Variants in CFAP90 observed in about 807,000 individuals in gnomAD.
CFAP90 encodes cilia- and flagella-associated protein 90.
the CFAP90 span, among the ~76,000 whole-genome samples, chr5:7,849,990 C>T: frequency 1.3e-5 from 2 of 152,172 alleles, no homozygotes; most frequent in Non-Finnish European, 2.9e-5. Flanking sequence ...GAAAGAGCGC[C>T]CTGCTGTCCC....
At chr5:7,831,423 T>A in the CFAP90 span, 1 of 159,442 alleles carries the variant, frequency 6.3e-6, no homozygotes, top group Non-Finnish European at 1.4e-5. Flanking sequence ...TTCCCCTAAC[T>A]CGTGGGAAAA....
the CFAP90 span, among the ~76,000 whole-genome samples, chr5:7,832,869 G>A: frequency 2.0e-5 from 3 of 152,210 alleles, no homozygotes; most frequent in Admixed American, 6.5e-5. Context: ...ACCTGCCACA[G>A]TTTTCTCCTG....
chr5:7,839,800 T>C, the CFAP90 span, among the ~76,000 whole-genome samples: 4 of 152,190 alleles, frequency 2.6e-5, no homozygotes, highest in African/African-American at 9.7e-5. Flanking sequence ...ATTTTGCATA[T>C]TCAGAACTTT....
chr5:7,841,794 G>T, the CFAP90 span, among the ~76,000 whole-genome samples: 4 of 152,112 alleles, frequency 2.6e-5, no homozygotes, highest in East Asian at 3.9e-4. Context: ...AGGGACACAT[G>T]GGGGGTGGGC....
At chr5:7,849,860 C>G in the CFAP90 span, among the ~76,000 whole-genome samples, 1 of 152,112 alleles carries the variant, frequency 6.6e-6, no homozygotes, top group African/African-American at 2.4e-5. Context: ...GGGCGTAGTC[C>G]CGGCAGCAAG....
At chr5:7,847,850 T>C in the CFAP90 span, among the ~76,000 whole-genome samples, 241 of 152,350 alleles carry the variant, frequency 1.6e-3, 1 homozygote, top group African/African-American at 5.5e-3. Context: ...CCCTAGGCAG[T>C]AGCTGGCCCA....
the CFAP90 span, chr5:7,850,874 C>A: frequency 6.0e-6 from 8 of 1,324,652 alleles, no homozygotes; most frequent in Admixed American, 1.9e-4. Context: ...GCGGTCCTCA[C>A]CCGCGCCGGG....
chr5:7,837,966 T>C, the CFAP90 span, among the ~76,000 whole-genome samples: 3 of 152,178 alleles, frequency 2.0e-5, no homozygotes, highest in Non-Finnish European at 4.4e-5. Context: ...CACAAGCATC[T>C]CTTATTATTG....
At chr5:7,831,557 T>C in the CFAP90 span, 2 of 276,990 alleles carry the variant, frequency 7.2e-6, no homozygotes, top group Non-Finnish European at 1.4e-5. Flanking sequence ...ATTCAGGTGC[T>C]CACAATGAAT....
chr5:7,839,765 T>C, the CFAP90 span, among the ~76,000 whole-genome samples: 3 of 152,142 alleles, frequency 2.0e-5, no homozygotes, highest in Non-Finnish European at 2.9e-5. Context: ...GTGATCAGAG[T>C]CTTAGGAAGC....
the CFAP90 span, among the ~76,000 whole-genome samples, chr5:7,832,541 C>T: frequency 3.9e-5 from 6 of 152,158 alleles, no homozygotes; most frequent in South Asian, 2.1e-4. Flanking sequence ...TTGCTCTTGT[C>T]GCCCAGGCTG....
the CFAP90 span, chr5:7,831,971 T>C: frequency 3.0e-5 from 49 of 1,613,956 alleles, no homozygotes; most frequent in Non-Finnish European, 4.0e-5. Flanking sequence ...CTCAATGGGC[T>C]GATTGATGCG....
the CFAP90 span, chr5:7,835,263 T>A: frequency 1.6e-6 from 1 of 619,964 alleles, no homozygotes; most frequent in Non-Finnish European, 2.7e-6. Flanking sequence ...AAACTTTCAA[T>A]TTGTAAAAAA....
At chr5:7,839,325 T>C in the CFAP90 span, among the ~76,000 whole-genome samples, 8 of 152,166 alleles carry the variant, frequency 5.3e-5, no homozygotes, top group Non-Finnish European at 1.2e-4. Context: ...TCAGAGTGGA[T>C]GGCACGAACA....
chr5:7,833,359 A>G, the CFAP90 span, among the ~76,000 whole-genome samples: 1 of 140,520 alleles, frequency 7.1e-6, no homozygotes, highest in Non-Finnish European at 1.6e-5. Flanking sequence ...ATATACATGT[A>G]TTCACACATA....
the CFAP90 span, among the ~76,000 whole-genome samples, chr5:7,846,284 G>A: frequency 1.3e-5 from 2 of 152,152 alleles, no homozygotes; most frequent in African/African-American, 4.8e-5. Flanking sequence ...ACACACTACT[G>A]TGTGTCACAT....
At chr5:7,847,295 G>A in the CFAP90 span, among the ~76,000 whole-genome samples, 7 of 152,180 alleles carry the variant, frequency 4.6e-5, no homozygotes, top group South Asian at 2.1e-4. Context: ...TTTCTTTTGC[G>A]TGGTACTAAA....
the CFAP90 span, chr5:7,835,609 GGTGA>G: frequency 1.5e-6 from 1 of 658,300 alleles, no homozygotes; most frequent in South Asian, 1.9e-5. Flanking sequence ...AGGTGCATGT[GGTGA>G]GTATGTGGTA....
chr5:7,835,738 T>C, the CFAP90 span, among the ~76,000 whole-genome samples: 1 of 152,192 alleles, frequency 6.6e-6, no homozygotes, highest in Non-Finnish European at 1.5e-5. Context: ...GACATTTTCA[T>C]GGCACTTCTC....
Sources: allele counts gnomAD v4.1 joint callset (sites outside exome capture counted in the v4.1 genomes callset), GRCh38; gene constraint gnomAD v4.1.1; transcripts MANE v1.5; gene names NCBI Gene and HGNC (gene_info 2026-07-23, HGNC 2026-07-21).